The following MED15 variants were observed in gnomAD, a reference collection of about 807,000 sequenced individuals.
The protein encoded by MED15 is mediator complex subunit 15, also known as mediator of RNA polymerase II transcription subunit 15.
A neutral mutation model predicts 118.7 loss-of-function variants in MED15; 41 were observed. The ratio of observed to expected loss-of-function variants is 0.35; its 90% CI spans 0.27 to 0.45. The LOEUF (loss-of-function observed/expected upper bound fraction) is 0.45. Among genes scored for constraint, MED15 ranks in the 20% least tolerant of loss-of-function variants. MED15 has a pLI of 1.00. For missense variants in MED15, 740 were observed against 1,025.5 expected (o/e 0.72, Z 3.80); for synonymous variants, 436 against 413.9 (o/e 1.05, Z -0.65).
At chr22:20,584,773 A>T in intron 14 of MED15, 82 bp from the exon 15 acceptor site, 2 of 1,525,996 alleles carry the variant, frequency 1.3e-6, no homozygotes, top group Non-Finnish European at 8.9e-7. Context: ...ACTGTGAGTG[A>T]CCATGGGCCT....
chr22:20,555,630 C>A (rs1257404078), intron 5 of MED15, among the ~76,000 whole-genome samples: 1 of 152,250 alleles, frequency 6.6e-6, no homozygotes, highest in Non-Finnish European at 1.5e-5. Context: ...GTCCTCTCCA[C>A]ACGGCTGCTG....
intron 9 of MED15, among the ~76,000 whole-genome samples, chr22:20,577,133 A>T (rs1417870037): frequency 6.6e-6 from 1 of 152,174 alleles, no homozygotes; most frequent in Non-Finnish European, 1.5e-5. Context: ...CCAGGGAGCC[A>T]CCAAGTCAGG....
chr22:20,516,624 T>C (rs2054267300), intron 1 of MED15, among the ~76,000 whole-genome samples: 1 of 152,014 alleles, frequency 6.6e-6, no homozygotes, highest in Non-Finnish European at 1.5e-5. Context: ...ATGCTGTGGC[T>C]GTGGCCAGTC....
chr22:20,534,009 G>A (rs1402503046), intron 1 of MED15, among the ~76,000 whole-genome samples: 1 of 152,154 alleles, frequency 6.6e-6, no homozygotes, highest in Non-Finnish European at 1.5e-5. Context: ...ACGGCCAGTA[G>A]CAGCTCAAAA....
At chr22:20,538,021 T>G (rs2055147493) in intron 2 of MED15, among the ~76,000 whole-genome samples, 1 of 152,240 alleles carries the variant, frequency 6.6e-6, no homozygotes, top group East Asian at 1.9e-4. Flanking sequence ...TTTAAGAGCT[T>G]TATACGGTTC....
chr22:20,559,773 TAG>T (rs1373708399), intron 5 of MED15, among the ~76,000 whole-genome samples: 1 of 152,248 alleles, frequency 6.6e-6, no homozygotes, highest in African/African-American at 2.4e-5. Flanking sequence ...AACCTAGCCT[TAG>T]AGACCATCAC....
chr22:20,539,748 TTGTC>T (rs2055217676), intron 2 of MED15, among the ~76,000 whole-genome samples: 1 of 152,164 alleles, frequency 6.6e-6, no homozygotes, highest in Non-Finnish European at 1.5e-5. Flanking sequence ...ATACTTGTTA[TTGTC>T]TATTTTAATT....
intron 5 of MED15, 110 bp downstream of exon 5, chr22:20,555,258 C>G (rs1053733292): frequency 5.9e-6 from 7 of 1,181,588 alleles, no homozygotes; most frequent in Non-Finnish European, 8.1e-6. Context: ...CTCCAAATCG[C>G]TCTGGTTTTT....
chr22:20,582,389 C>T (rs2057012734), intron 9 of MED15: 2 of 666,606 alleles, frequency 3.0e-6, no homozygotes, highest in East Asian at 2.9e-5. Flanking sequence ...GGAGCAAGGG[C>T]TGCCCTGCCT....
At chr22:20,517,755 G>A (rs1036067842) in intron 1 of MED15, among the ~76,000 whole-genome samples, 2 of 152,170 alleles carry the variant, frequency 1.3e-5, no homozygotes, top group Non-Finnish European at 2.9e-5. Context: ...GGTGATGGGG[G>A]CTGTCCTGAG....
chr22:20,547,174 C>T (rs2055576356), intron 2 of MED15, among the ~76,000 whole-genome samples: 1 of 152,128 alleles, frequency 6.6e-6, no homozygotes, highest in South Asian at 2.1e-4. Context: ...CCACTGATAA[C>T]AAAAGGTAGA....
intron 8 of MED15, among the ~76,000 whole-genome samples, chr22:20,570,171 C>T (rs1405026156): frequency 2.0e-5 from 3 of 152,092 alleles, no homozygotes; most frequent in Middle Eastern, 3.4e-3. Flanking sequence ...ACTACAGGCG[C>T]GTGCCATCAC....
chr22:20,560,923 C>A (rs1044432900), intron 5 of MED15, among the ~76,000 whole-genome samples: 3 of 152,052 alleles, frequency 2.0e-5, no homozygotes. Context: ...TAAAATAGAT[C>A]AACAAAATAT....
chr22:20,534,712 C>T (rs976716674), intron 1 of MED15, among the ~76,000 whole-genome samples: 1 of 152,166 alleles, frequency 6.6e-6, no homozygotes, highest in African/African-American at 2.4e-5. Flanking sequence ...TGTGGAGACC[C>T]TGCCCCATGC....
At chr22:20,578,426 C>T (rs165802) in intron 9 of MED15, among the ~76,000 whole-genome samples, 1 of 152,022 alleles carries the variant, frequency 6.6e-6, no homozygotes, top group Non-Finnish European at 1.5e-5. Flanking sequence ...CCTCTACGTC[C>T]GGCTGCAGTA....
At position 20,519,516 on chromosome 22, in the gene MED15, C is replaced by A. The variant is rs55675155; in HGVS notation, c.68+11770C>A. Among the ~76,000 whole-genome samples, 300 of 151,682 alleles carry A rather than the reference C, an allele frequency of 2.0e-3. 1 individual carries two copies. Among genetic ancestry groups the A allele is most frequent in the Non-Finnish European group, 3.3e-3 (222 of 67,912 alleles). Reference sequence around the variant, plus strand: ...AGTGGCCTGACCTCGGCTCACTGGCCTGACCTTGGCTCACTGCAACCTCCG... The same window carrying A: ...AGTGGCCTGACCTCGGCTCACTGGCATGACCTTGGCTCACTGCAACCTCCG... On this transcript the variant is annotated intron_variant, in intron 1 of 17. Coordinates refer to ENST00000263205, the MANE Select transcript of MED15 (RefSeq NM_001003891.3).
chr22:20,572,372 A>G (rs1052291517), intron 8 of MED15, among the ~76,000 whole-genome samples: 2 of 152,234 alleles, frequency 1.3e-5, no homozygotes, highest in African/African-American at 2.4e-5. Flanking sequence ...GGGGGCCCCC[A>G]TGCAGGCAGC....
intron 1 of MED15, among the ~76,000 whole-genome samples, chr22:20,524,571 C>T (rs138053635): frequency 1.3e-5 from 2 of 152,338 alleles, no homozygotes; most frequent in African/African-American, 2.4e-5. Flanking sequence ...CATCCATACT[C>T]TGACTGTGGG....
At chr22:20,585,412 A>G in intron 16 of MED15, 145 bp downstream of exon 16, 1 of 1,116,992 alleles carries the variant, frequency 9.0e-7, no homozygotes, top group Non-Finnish European at 1.3e-6. Context: ...ATCCTCACAC[A>G]CACCGGGCTC....
Sources: gnomAD v4.1 joint callset for allele counts (sites outside exome capture counted in the v4.1 genomes callset) on GRCh38, gnomAD v4.1.1 for gene constraint, MANE v1.5 for transcripts, NCBI Gene and HGNC (gene_info 2026-07-23, HGNC 2026-07-21) for gene names.